Variants in FOXN2 observed in about 807,000 individuals in gnomAD.
FOXN2 encodes the protein forkhead box protein N2.
Under a neutral mutation model 41.2 loss-of-function variants are expected in FOXN2, and 19 were observed. The ratio of observed to expected loss-of-function variants is 0.46; its 90% CI spans 0.32 to 0.68. FOXN2 has a LOEUF of 0.68. FOXN2 is among the 30% of genes least tolerant of loss of function. The pLI is 0.03. For synonymous variants in FOXN2, 195 were observed against 176.8 expected (o/e 1.10, Z -0.82); for missense variants, 587 against 509.4 (o/e 1.15, Z -1.47).
rs927376606 is a variant in FOXN2 at position 48,378,263 on chromosome 2, T to A, written c.*2820T>A. On this transcript the variant is annotated 3_prime_UTR_variant, in exon 7 of 7. Transcript: ENST00000340553. The stretch of plus-strand genomic sequence containing the variant: ...ATTCAGAGAAAGAAAACAGATTACC[T>A]GAATTCATGGAAAAGGTGGATCACC... 16 of 152,512 alleles carry A rather than the reference T, an allele frequency of 1.0e-4. No homozygotes were observed. The highest frequency in any genetic ancestry group is 3.4e-3 in the Middle Eastern group (1 of 294). 9.4% of individuals were successfully genotyped at this position (152,512 alleles called of 1,614,324 possible).
intron 1 of FOXN2, among the ~76,000 whole-genome samples, chr2:48,324,749 AT>A (rs1384176902): frequency 6.6e-6 from 1 of 152,228 alleles, no homozygotes; most frequent in African/African-American, 2.4e-5. Flanking sequence ...ATCTTATAAA[AT>A]AACTTTAGTG....
At chr2:48,333,117 G>T (rs951142211) in intron 2 of FOXN2, among the ~76,000 whole-genome samples, 2 of 151,986 alleles carry the variant, frequency 1.3e-5, no homozygotes, top group African/African-American at 2.4e-5. Context: ...AAGGAAGAAG[G>T]CTTTCATTTT....
In FOXN2 at chr2:48,375,092, A is replaced by G; in HGVS notation, c.945A>G (p.Ala315=). Residue 315 remains alanine (A), a synonymous_variant, in exon 7 of 7, where the codon GCA becomes GCG. Transcript: ENST00000340553. ...SASSMAAQRC[A]SRSSVSSLSS... ...GTAGCATGGCAGCACAGCGTTGTGC[A>G]TCCAGGTCTAGCGTGTCTTCCCTGT... 6.2e-7 allele frequency: 1 copy of G among 1,614,102 alleles called. No homozygotes were observed. Among genetic ancestry groups the G allele is most frequent in the South Asian group, 1.1e-5 (1 of 91,088 alleles).
At chr2:48,342,223 T>C (rs1349610191) in intron 2 of FOXN2, among the ~76,000 whole-genome samples, 1 of 152,162 alleles carries the variant, frequency 6.6e-6, no homozygotes, top group East Asian at 1.9e-4. Context: ...TTTAATTTAT[T>C]CACATTCTTC....
chr2:48,336,914 T>C (rs909450378), intron 2 of FOXN2, among the ~76,000 whole-genome samples: 3 of 152,076 alleles, frequency 2.0e-5, no homozygotes, highest in African/African-American at 4.8e-5. Flanking sequence ...TCCTGGAAAA[T>C]GGGGTATCCA....
chr2:48,352,615 A>T (rs1671519095), intron 3 of FOXN2, among the ~76,000 whole-genome samples: 1 of 152,168 alleles, frequency 6.6e-6, no homozygotes, highest in Non-Finnish European at 1.5e-5. Context: ...TTAGATCTGG[A>T]GGTATCTCAA....
At chr2:48,370,161 A>C (rs186250851) in intron 5 of FOXN2, among the ~76,000 whole-genome samples, 37 of 152,304 alleles carry the variant, frequency 2.4e-4, no homozygotes, top group Admixed American at 2.4e-3. Context: ...CCATTCGTCT[A>C]GCTGTGTGCC....
chr2:48,337,382 C>G (rs1289931416), intron 2 of FOXN2, among the ~76,000 whole-genome samples: 1 of 151,482 alleles, frequency 6.6e-6, no homozygotes, highest in Non-Finnish European at 1.5e-5. Flanking sequence ...GCTGTAACCT[C>G]CACTTCCCGG....
At chr2:48,331,201 G>A (rs1669999428) in intron 2 of FOXN2, among the ~76,000 whole-genome samples, 1 of 152,252 alleles carries the variant, frequency 6.6e-6, no homozygotes, top group South Asian at 2.1e-4. Context: ...ATTGACTATT[G>A]TATTTTGTTT....
At chr2:48,352,823 A>G (rs374319872) in intron 3 of FOXN2, among the ~76,000 whole-genome samples, 76 of 152,332 alleles carry the variant, frequency 5.0e-4, no homozygotes, top group African/African-American at 1.8e-3. Flanking sequence ...GATACGTGGT[A>G]TTAATTGATC....
chr2:48,331,082 A>G (rs1379472038), intron 2 of FOXN2, among the ~76,000 whole-genome samples: 3 of 152,200 alleles, frequency 2.0e-5, no homozygotes, highest in South Asian at 2.1e-4. Context: ...AAACAGCACA[A>G]TTGATGTTCT....
chr2:48,357,188 A>G (rs977729315), intron 3 of FOXN2, among the ~76,000 whole-genome samples: 2 of 152,216 alleles, frequency 1.3e-5, no homozygotes, highest in Admixed American at 6.5e-5. Context: ...ACTTGAGACC[A>G]TACTCAAGAT....
chr2:48,330,580 G>T (rs1669964450), intron 2 of FOXN2, among the ~76,000 whole-genome samples: 1 of 151,742 alleles, frequency 6.6e-6, no homozygotes. Flanking sequence ...AGAGTGATTG[G>T]ATAAGAAAGC....
At chr2:48,356,227 G>A (rs1671784663) in intron 3 of FOXN2, among the ~76,000 whole-genome samples, 1 of 152,178 alleles carries the variant, frequency 6.6e-6, no homozygotes, top group Non-Finnish European at 1.5e-5. Flanking sequence ...GATCACTTGA[G>A]GTCAGGAGTT....
At chr2:48,333,848 G>C (rs4641990) in intron 2 of FOXN2, among the ~76,000 whole-genome samples, 55,269 of 151,748 alleles carry the variant, frequency 0.36, 10,184 homozygotes, top group East Asian at 0.52. Flanking sequence ...TATTAACATA[G>C]TTATTTTGGG....
intron 3 of FOXN2, among the ~76,000 whole-genome samples, chr2:48,348,833 G>C (rs1475403961): frequency 6.6e-6 from 1 of 152,338 alleles, no homozygotes; most frequent in East Asian, 1.9e-4. Context: ...TCATCTTCTA[G>C]CTTGTGCCAC....
chr2:48,362,753 T>TG, intron 5 of FOXN2, 46 bp downstream of exon 5: 1 of 1,519,050 alleles, frequency 6.6e-7, no homozygotes, highest in Middle Eastern at 1.7e-4. Context: ...AACAATCTTT[T>TG]GGTCAACAAC....
chr2:48,373,724 AG>A (rs772799430), intron 6 of FOXN2, among the ~76,000 whole-genome samples: 1 of 152,176 alleles, frequency 6.6e-6, no homozygotes, highest in South Asian at 2.1e-4. Flanking sequence ...AAATCCATGA[AG>A]GAAAAAAATG....
At chr2:48,345,616 C>G (rs1671048203) in intron 2 of FOXN2, among the ~76,000 whole-genome samples, 1 of 152,036 alleles carries the variant, frequency 6.6e-6, no homozygotes. Flanking sequence ...TATATATAAT[C>G]ATTATTTGTC....
Sources: gnomAD v4.1 joint callset for allele counts (sites outside exome capture counted in the v4.1 genomes callset) on GRCh38, gnomAD v4.1.1 for gene constraint, MANE v1.5 for transcripts, NCBI Gene and HGNC (gene_info 2026-07-23, HGNC 2026-07-21) for gene names.